TRIT1: variants seen among roughly 807,000 people sequenced by gnomAD.
The protein encoded by TRIT1 is tRNA isopentenyltransferase 1.
Under a neutral mutation model 51.2 loss-of-function variants are expected in TRIT1, and 43 were observed. The observed-to-expected ratio is 0.84, with a 90% CI of 0.66 to 1.08. The LOEUF (loss-of-function observed/expected upper bound fraction) is 1.08. Ranked by LOEUF, TRIT1 falls within the 50% of genes least tolerant of loss-of-function variation. The pLI, the probability that TRIT1 is intolerant of heterozygous loss-of-function variation, is 0.00. For missense variants in TRIT1, 528 were observed against 578.4 expected (o/e 0.91, Z 0.89); for synonymous variants, 184 against 203.9 (o/e 0.90, Z 0.83).
chr1:39,851,885 T>C (rs1410569932), intron 4 of TRIT1, among the ~76,000 whole-genome samples: 2 of 150,292 alleles, frequency 1.3e-5, no homozygotes, highest in African/African-American at 4.9e-5. Context: ...AGGTCAAGGC[T>C]GCAGTGAGCC....
chr1:39,849,291 T>C (rs1642422246), intron 5 of TRIT1, among the ~76,000 whole-genome samples: 1 of 152,198 alleles, frequency 6.6e-6, no homozygotes. Flanking sequence ...GTCTTAACAA[T>C]TCACATAACT....
At chr1:39,879,312 C>A (rs748699322) in intron 1 of TRIT1, among the ~76,000 whole-genome samples, 1 of 151,960 alleles carries the variant, frequency 6.6e-6, no homozygotes, top group Non-Finnish European at 1.5e-5. Context: ...AACCCCACAG[C>A]CCCTGGTCAT....
chr1:39,857,455 C>T, intron 1 of TRIT1, 38 bp from the exon 2 acceptor site: 3 of 1,603,896 alleles, frequency 1.9e-6, no homozygotes, highest in Admixed American at 1.7e-5. Context: ...AGTCAACCAC[C>T]TCCATAAAAG....
chr1:39,847,609 G>T lies in TRIT1; in HGVS notation c.867C>A (p.His289Gln), dbSNP rs139483552. 2 of 1,614,190 alleles carry T rather than the reference G, an allele frequency of 1.2e-6. No homozygotes were observed. Among genetic ancestry groups the T allele is most frequent in the Non-Finnish European group, 1.7e-6 (2 of 1,180,046 alleles). The change falls in exon 7 of 11, where the codon CAC (histidine) becomes CAA (glutamine). Residue 289 changes from histidine (H) to glutamine (Q), a missense_variant. His to Gln is a conservative substitution (Grantham distance 24). Around this residue, in one of 3 missense-constraint regions of TRIT1, gnomAD observed 468 missense variants for 522.6 expected, o/e 0.90. Coordinates refer to ENST00000316891, the MANE Select transcript of TRIT1 (RefSeq NM_017646.6). ...ATTTTCCCTCAGTGATCAGGTACTC[G>T]TGAAATTCCTTGAAGCCAATTGATT... is the stretch of plus-strand genomic sequence containing the variant. ...IFQSIGFKEF[H>Q]EYLITEGKCT...
At position 39,844,176 on chromosome 1, in the gene TRIT1, C is replaced by T. The variant is rs1049004134; in HGVS notation, c.1159G>A (p.Glu387Lys). 4 of 1,614,218 alleles carry T rather than the reference C, an allele frequency of 2.5e-6. No individual in the cohort carries two copies. Among genetic ancestry groups the T allele is most frequent in the Non-Finnish European group, 2.5e-6 (3 of 1,180,032 alleles). The part of the protein sequence containing the change: ...TATPIKMPYN[E>K]AENKRSYHLC... ...TGATAACTTCTCTTGTTCTCAGCTT[C>T]ATTGTATGGCATCTTTATTGGAGTG... The change falls in exon 10 of 11, where the codon GAA (glutamate) becomes AAA (lysine). Residue 387 changes from glutamate to lysine, a missense_variant. Glu to Lys is a moderately conservative substitution (Grantham distance 56, BLOSUM62 1). Transcript: ENST00000316891.
chr1:39,873,425 CA>C (rs1643943212), intron 1 of TRIT1, among the ~76,000 whole-genome samples: 1 of 152,076 alleles, frequency 6.6e-6, no homozygotes, highest in African/African-American at 2.4e-5. Context: ...CAGTACCCTT[CA>C]AAAGTATCAA....
intron 2 of TRIT1, among the ~76,000 whole-genome samples, chr1:39,857,004 T>C (rs985758350): frequency 3.3e-5 from 5 of 152,218 alleles, no homozygotes; most frequent in African/African-American, 1.2e-4. Context: ...CCCGTTATAA[T>C]GCAGATTCTA....
At position 39,866,368 on chromosome 1, in the gene TRIT1, C is replaced by T. The variant is rs925286707; in HGVS notation, c.175-8951G>A. Among the ~76,000 whole-genome samples the T allele has an allele frequency of 2.6e-5, 4 of 151,996 alleles. 1 individual carries two copies. The highest frequency in any genetic ancestry group is 3.9e-4 in the East Asian group (2 of 5,176). ...CTTCTAGTTTTAATAGTCCAAGCTT[C>T]GGGAGAAAAGATAGTTTTAGCATAG... On this transcript the variant is annotated intron_variant, in intron 1 of 10. Coordinates refer to ENST00000316891, the MANE Select transcript of TRIT1 (RefSeq NM_017646.6).
chr1:39,854,106 C>A, intron 2 of TRIT1, 38 bp from the exon 3 acceptor site: 1 of 1,447,450 alleles, frequency 6.9e-7, no homozygotes, highest in Non-Finnish European at 9.6e-7. Context: ...TCAAGAGAAT[C>A]CTGACTCACT....
At chr1:39,848,608 G>A (rs373469019) in intron 5 of TRIT1, among the ~76,000 whole-genome samples, 3 of 150,770 alleles carry the variant, frequency 2.0e-5, no homozygotes, top group Admixed American at 6.7e-5. Context: ...GGTGGATCAC[G>A]AGGTCAAGAG....
chr1:39,862,275 C>A (rs1358877819), intron 1 of TRIT1, among the ~76,000 whole-genome samples: 1 of 149,620 alleles, frequency 6.7e-6, no homozygotes, highest in Non-Finnish European at 1.5e-5. Context: ...GCTAAAATGG[C>A]CACCGAAATG....
chr1:39,845,816 C>G (rs987953397), intron 8 of TRIT1, among the ~76,000 whole-genome samples: 4 of 152,188 alleles, frequency 2.6e-5, no homozygotes, highest in Admixed American at 6.5e-5. Context: ...AGCAGACCAG[C>G]CCTGGCCAAT....
At chr1:39,870,654 AT>A (rs1258420456) in intron 1 of TRIT1, among the ~76,000 whole-genome samples, 2 of 144,078 alleles carry the variant, frequency 1.4e-5, no homozygotes, top group Non-Finnish European at 3.2e-5. Context: ...AATGCTGGAA[AT>A]AATATAGAGA....
chr1:39,856,532 A>G (rs1642914665), intron 2 of TRIT1, among the ~76,000 whole-genome samples: 1 of 151,392 alleles, frequency 6.6e-6, no homozygotes, highest in African/African-American at 2.4e-5. Flanking sequence ...ATTTGAATCT[A>G]TATCTGGGTT....
At chr1:39,843,352 T>C (rs1269100130) in intron 10 of TRIT1, among the ~76,000 whole-genome samples, 7 of 151,984 alleles carry the variant, frequency 4.6e-5, no homozygotes, top group African/African-American at 1.7e-4. Flanking sequence ...CTAAATACCA[T>C]GTAAACTCAA....
rs951084144 is a variant in TRIT1, at chr1:39,839,707, G to A, written c.*2037C>T. 2.0e-5 allele frequency among the ~76,000 whole-genome samples: 3 copies of A among 152,122 alleles called. No homozygotes were observed. The highest frequency in any genetic ancestry group is 7.2e-5 in the African/African-American group (3 of 41,410). ...AACCACACTGCCTTACACTTAGTAAGTGCTTCATAAATATTAGACACTTTT... is the reference window on the plus strand; with the variant it reads ...AACCACACTGCCTTACACTTAGTAAATGCTTCATAAATATTAGACACTTTT... On this transcript the variant is annotated 3_prime_UTR_variant, in exon 11 of 11. Coordinates refer to ENST00000316891, the MANE Select transcript of TRIT1 (RefSeq NM_017646.6).
At position 39,847,812 on chromosome 1, in the gene TRIT1, C is replaced by T. The variant is rs151213607; in HGVS notation, c.816-152G>A. 352 of 1,461,360 alleles carry T rather than the reference C, an allele frequency of 2.4e-4. 3 individuals are homozygous for T. In the East Asian group the frequency reaches 8.4e-3, roughly 35 times the overall value. 90.5% of individuals were successfully genotyped at this position (1,461,360 alleles called of 1,614,324 possible). Reference sequence around the variant, plus strand: ...TTCTCTGAAATTTTCCCCTCCCCTACCCACCAGGTTACTTTCTTGAAAAGT... The same window carrying T: ...TTCTCTGAAATTTTCCCCTCCCCTATCCACCAGGTTACTTTCTTGAAAAGT... On this transcript the variant is annotated intron_variant, in intron 6 of 10. Coordinates refer to ENST00000316891, the MANE Select transcript of TRIT1 (RefSeq NM_017646.6).
At chr1:39,843,987 T>C in intron 10 of TRIT1, 114 bp downstream of exon 10, 1 of 680,816 alleles carries the variant, frequency 1.5e-6, no homozygotes, top group Non-Finnish European at 2.5e-6. Context: ...GGAATCTAGC[T>C]GTCCCTTTAC....
At chr1:39,869,969 TG>T (rs1243748242) in intron 1 of TRIT1, among the ~76,000 whole-genome samples, 1 of 151,064 alleles carries the variant, frequency 6.6e-6, no homozygotes, top group Non-Finnish European at 1.5e-5. Flanking sequence ...GTCTGGGAGG[TG>T]GGGGGCCCCT....
Sources: gnomAD v4.1 joint callset for allele counts (sites outside exome capture counted in the v4.1 genomes callset) on GRCh38, gnomAD v4.1.1 for gene constraint, gnomAD v4.1.1 regional missense constraint, MANE v1.5 for transcripts, NCBI Gene and HGNC (gene_info 2026-07-23, HGNC 2026-07-21) for gene names.